ASIC2: variants seen among roughly 807,000 people sequenced by gnomAD.
ASIC2 encodes the protein acid-sensing ion channel 2.
Under a neutral mutation model 57.3 loss-of-function variants are expected in ASIC2, and 25 were observed. The ratio of observed to expected loss-of-function variants is 0.44; its 90% CI spans 0.32 to 0.61. The LOEUF is 0.61. ASIC2 is among the 20% of genes least tolerant of loss of function. The pLI is 0.06. For missense variants in ASIC2, 641 were observed against 738.1 expected (o/e 0.87, Z 1.52); for synonymous variants, 319 against 307.5 (o/e 1.04, Z -0.39).
At position 33,579,365 on chromosome 17, in the gene ASIC2, G is replaced by A. The variant is rs1916795240; in HGVS notation, c.556-467298C>T. ...ACTGGAACACGATGTGGCTTGGTAT[G>A]TTTACAAACCTCTAACACTCCGCCT... On this transcript the variant is annotated intron_variant, in intron 1 of 9. Transcript: ENST00000359872. Among the ~76,000 whole-genome samples, 3 of 151,476 alleles carry A rather than the reference G, an allele frequency of 2.0e-5. No individual in the cohort carries two copies. The South Asian group carries it at 6.3e-4, about 32-fold the overall frequency.
chr17:33,345,408 A>C (rs1907904455), intron 1 of ASIC2, among the ~76,000 whole-genome samples: 1 of 152,242 alleles, frequency 6.6e-6, no homozygotes, highest in African/African-American at 2.4e-5. Flanking sequence ...ACAAATAAGT[A>C]AGAAAAATGT....
chr17:33,780,387 C>G (rs1257859023), intron 1 of ASIC2, among the ~76,000 whole-genome samples: 1 of 152,148 alleles, frequency 6.6e-6, no homozygotes, highest in African/African-American at 2.4e-5. Context: ...ATGCCCACCC[C>G]ATTGTAGCCA....
intron 1 of ASIC2, among the ~76,000 whole-genome samples, chr17:33,706,264 T>G (rs895701328): frequency 6.6e-6 from 1 of 151,084 alleles, no homozygotes; most frequent in African/African-American, 2.4e-5. Context: ...GCTCTGTCGC[T>G]TAGGCTGGAG....
At chr17:33,160,742 G>C (rs150800206) in intron 1 of ASIC2, among the ~76,000 whole-genome samples, 1 of 152,290 alleles carries the variant, frequency 6.6e-6, no homozygotes, top group African/African-American at 2.4e-5. Flanking sequence ...GGTTTGGATG[G>C]GGAGGCACTG....
chr17:34,030,538 G>A (rs1020595324), intron 1 of ASIC2, among the ~76,000 whole-genome samples: 6 of 152,232 alleles, frequency 3.9e-5, no homozygotes, highest in Admixed American at 6.5e-5. Context: ...CACCGTGCGC[G>A]AGCTGAAGTA....
At chr17:33,264,125 G>T (rs17248888) in intron 1 of ASIC2, among the ~76,000 whole-genome samples, 52,584 of 152,156 alleles carry the variant, frequency 0.35, 9,214 homozygotes, top group South Asian at 0.43. Flanking sequence ...CAATCAATCT[G>T]CAGAGGCACA....
At chr17:33,395,964 A>C (rs1459986634) in intron 1 of ASIC2, among the ~76,000 whole-genome samples, 2 of 152,218 alleles carry the variant, frequency 1.3e-5, no homozygotes, top group Non-Finnish European at 2.9e-5. Flanking sequence ...CCTGATTCAC[A>C]GTAGATGTTT....
At chr17:33,938,173 G>C (rs1916108986) in intron 1 of ASIC2, among the ~76,000 whole-genome samples, 1 of 152,168 alleles carries the variant, frequency 6.6e-6, no homozygotes, top group Non-Finnish European at 1.5e-5. Flanking sequence ...TTATGCCAAG[G>C]TCTGGGAGTT....
At chr17:33,095,612 A>G (rs1021296473) in intron 2 of ASIC2, among the ~76,000 whole-genome samples, 1 of 152,008 alleles carries the variant, frequency 6.6e-6, no homozygotes, top group Non-Finnish European at 1.5e-5. Flanking sequence ...TTTGTGGCCA[A>G]GCTGGGTTCA....
At chr17:33,700,070 C>T (rs905400082) in intron 1 of ASIC2, among the ~76,000 whole-genome samples, 6 of 152,130 alleles carry the variant, frequency 3.9e-5, no homozygotes, top group African/African-American at 1.4e-4. Context: ...ATTTTCTCAA[C>T]TAGCTTGAAT....
intron 1 of ASIC2, among the ~76,000 whole-genome samples, chr17:33,853,734 G>T (rs1403281709): frequency 1.3e-5 from 2 of 152,328 alleles, no homozygotes; most frequent in Admixed American, 6.5e-5. Context: ...ACCCACATTT[G>T]TATCCTGAGG....
chr17:33,111,170 T>C (rs1380362077), intron 2 of ASIC2, among the ~76,000 whole-genome samples: 1 of 152,154 alleles, frequency 6.6e-6, no homozygotes, highest in African/African-American at 2.4e-5. Context: ...ATCAGGCCCA[T>C]CTGGATGATC....
chr17:33,067,562 T>C (rs188079972), intron 3 of ASIC2, among the ~76,000 whole-genome samples: 1 of 152,324 alleles, frequency 6.6e-6, no homozygotes, highest in East Asian at 1.9e-4. Context: ...CAGGAGGCCT[T>C]GAACTTTGGC....
At chr17:33,770,790 G>T (rs143073541) in intron 1 of ASIC2, among the ~76,000 whole-genome samples, 1 of 152,256 alleles carries the variant, frequency 6.6e-6, no homozygotes, top group East Asian at 1.9e-4. Flanking sequence ...CTGCAGGGCT[G>T]GTTTTTCAAT....
At chr17:33,088,112 A>T (rs2092142234) in intron 3 of ASIC2, among the ~76,000 whole-genome samples, 1 of 152,128 alleles carries the variant, frequency 6.6e-6, no homozygotes, top group African/African-American at 2.4e-5. Context: ...GTCTTAGATG[A>T]TCTGGTTTAG....
chr17:33,738,456 C>T (rs987180730), intron 1 of ASIC2, among the ~76,000 whole-genome samples: 1 of 152,186 alleles, frequency 6.6e-6, no homozygotes, highest in African/African-American at 2.4e-5. Flanking sequence ...TATACATGCA[C>T]CAGCCTATAA....
intron 1 of ASIC2, among the ~76,000 whole-genome samples, chr17:33,586,776 C>T (rs906402743): frequency 6.6e-6 from 1 of 152,196 alleles, no homozygotes; most frequent in Non-Finnish European, 1.5e-5. Context: ...TCACTCTGCT[C>T]GACCTCAAAA....
chr17:33,923,878 C>T (rs1915763550), intron 1 of ASIC2, among the ~76,000 whole-genome samples: 1 of 152,116 alleles, frequency 6.6e-6, no homozygotes, highest in Non-Finnish European at 1.5e-5. Context: ...TCCTGCTTCA[C>T]CATTGACTCC....
At chr17:34,020,717 G>T (rs756576555) in intron 1 of ASIC2, among the ~76,000 whole-genome samples, 12 of 152,090 alleles carry the variant, frequency 7.9e-5, no homozygotes, top group Admixed American at 1.3e-4. Context: ...ACTGAATTTG[G>T]CCAACAACCT....
Sources: allele counts gnomAD v4.1 joint callset (sites outside exome capture counted in the v4.1 genomes callset), GRCh38; gene constraint gnomAD v4.1.1; transcripts MANE v1.5; gene names NCBI Gene and HGNC (gene_info 2026-07-23, HGNC 2026-07-21).